UBLCP1: variants seen among roughly 807,000 people sequenced by gnomAD.
The protein encoded by UBLCP1 is ubiquitin-like domain-containing CTD phosphatase 1.
In UBLCP1, 28 loss-of-function variants were observed where a neutral mutation model predicts 42.4. The ratio of observed to expected loss-of-function variants is 0.66; its 90% CI spans 0.49 to 0.90. The LOEUF is 0.90. UBLCP1 is among the 40% of genes least tolerant of loss of function. The pLI, the probability that UBLCP1 is intolerant of heterozygous loss-of-function variation, is 0.00. For missense variants in UBLCP1, 279 were observed against 374.5 expected (o/e 0.75, Z 2.10); for synonymous variants, 122 against 120.8 (o/e 1.01, Z -0.07).
Position 159,270,644 on chromosome 5 carries a change from G to A in UBLCP1, c.448+1G>A, listed in dbSNP as rs752170185. On this transcript the variant is annotated splice_donor_variant, in intron 5 of 10. Coordinates refer to ENST00000296786, the MANE Select transcript of UBLCP1 (RefSeq NM_145049.5). LOFTEE classifies it high-confidence loss of function. Reference sequence around the variant, plus strand: ...CTAGATGTTGATTATACATTATTTGGTAAGTCAGTTAAGAATGCTTTTCAT... The same window carrying A: ...CTAGATGTTGATTATACATTATTTGATAAGTCAGTTAAGAATGCTTTTCAT... The A allele has an allele frequency of 1.3e-6, 2 of 1,560,952 alleles. No homozygotes were observed. The highest frequency in any genetic ancestry group is 1.7e-6 in the Non-Finnish European group (2 of 1,152,438).
At position 159,270,314 on chromosome 5, in the gene UBLCP1, A is replaced by G. The variant is rs573035025; in HGVS notation, c.247-46A>G. The G allele has an allele frequency of 4.0e-5, 57 of 1,420,246 alleles. 2 individuals are homozygous for G. In the South Asian group the frequency reaches 6.6e-4, roughly 17 times the overall value. 88.0% of individuals were successfully genotyped at this position (1,420,246 alleles called of 1,614,324 possible). A position where few individuals can be genotyped will look rare whatever the true frequency, so the allele number is the denominator to read the frequency against. ...TTTTTATGCTATGCATGTATTTGTT[A>G]TATTAAGGATAATATGGTAGAACAA... is the stretch of plus-strand genomic sequence containing the variant. On this transcript the variant is annotated intron_variant, in intron 3 of 10. Transcript: ENST00000296786.
At chr5:159,268,191 GAA>G (rs1421437287) in intron 1 of UBLCP1, among the ~76,000 whole-genome samples, 4 of 151,752 alleles carry the variant, frequency 2.6e-5, no homozygotes, top group African/African-American at 9.7e-5. Context: ...ATGAAACAAA[GAA>G]TGGCTATTTA....
chr5:159,283,584 G>A (rs912566115), intron 10 of UBLCP1, among the ~76,000 whole-genome samples: 2 of 152,030 alleles, frequency 1.3e-5, no homozygotes, highest in African/African-American at 4.8e-5. Flanking sequence ...GAGAACTTGA[G>A]AGACTAGCAT....
chr5:159,263,628 C>T (rs1753331841), intron 1 of UBLCP1, among the ~76,000 whole-genome samples: 1 of 152,210 alleles, frequency 6.6e-6, no homozygotes, highest in African/African-American at 2.4e-5. Context: ...TCTTCTCAGG[C>T]TTGTCCATCC....
In UBLCP1 at chr5:159,285,842, A is replaced by G. The variant is rs1437640313; in HGVS notation, c.*911A>G. 2 of 152,768 alleles carry G rather than the reference A, an allele frequency of 1.3e-5. No individual in the cohort carries two copies. Among genetic ancestry groups the G allele is most frequent in the Non-Finnish European group, 2.9e-5 (2 of 68,030 alleles). The allele number at this position is 152,768 out of a possible 1,614,324, so 9.5% of individuals were successfully genotyped here. A position where few individuals can be genotyped will look rare whatever the true frequency, so the allele number is the denominator to read the frequency against. On this transcript the variant is annotated 3_prime_UTR_variant, in exon 11 of 11. Transcript: ENST00000296786. ...ACTGTTTCAGTGAAAATATCTAGCCATAAGATTAAAAAAATATATTATTTG... is the reference window on the plus strand; with the variant it reads ...ACTGTTTCAGTGAAAATATCTAGCCGTAAGATTAAAAAAATATATTATTTG...
intron 6 of UBLCP1, 23 bp downstream of exon 6, chr5:159,272,144 G>C: frequency 6.3e-7 from 1 of 1,574,888 alleles, no homozygotes; most frequent in South Asian, 1.1e-5. Flanking sequence ...TTTTTGTTTA[G>C]ATTTCCGTGG....
intron 9 of UBLCP1, among the ~76,000 whole-genome samples, chr5:159,281,563 A>G (rs2113322702): frequency 6.6e-6 from 1 of 152,300 alleles, no homozygotes; most frequent in East Asian, 1.9e-4. Context: ...ACAGCTCTTG[A>G]CTGGTGCCCT....
Position 159,270,616 on chromosome 5 carries a change from G to C in UBLCP1, c.421G>C (p.Val141Leu), listed in dbSNP as rs1753452201. 6.2e-7 allele frequency: 1 copy of C among 1,607,426 alleles called. No homozygotes were observed. The highest frequency in any genetic ancestry group is 8.5e-7 in the Non-Finnish European group (1 of 1,177,908). The change falls in exon 5 of 11, where the codon GTG becomes CTG. Residue 141 changes from valine (V) to leucine (L), a missense_variant. Val to Leu is a conservative substitution (Grantham distance 32). Transcript: ENST00000296786. ...TCCCAGGGAAGGGAAAAAGCTTTTGGTGCTAGATGTTGATTATACATTATT... is the reference window on the plus strand; with the variant it reads ...TCCCAGGGAAGGGAAAAAGCTTTTGCTGCTAGATGTTGATTATACATTATT... ...NPPREGKKLLVLDVDYTLFDH... is the reference protein window; with the variant it reads ...NPPREGKKLLLLDVDYTLFDH...
At chr5:159,283,855 A>G (rs368530363) in intron 10 of UBLCP1, among the ~76,000 whole-genome samples, 1 of 152,162 alleles carries the variant, frequency 6.6e-6, no homozygotes, top group Non-Finnish European at 1.5e-5. Flanking sequence ...ATCTTGGTAT[A>G]TAGTCTTTCA....
At chr5:159,270,481 A>C in intron 4 of UBLCP1, 36 bp downstream of exon 4, 1 of 1,605,188 alleles carries the variant, frequency 6.2e-7, no homozygotes, top group Non-Finnish European at 8.5e-7. Context: ...ATCAGTTGTC[A>C]TGTGAGAACA....
At chr5:159,283,066 T>C in intron 9 of UBLCP1, 146 bp from the exon 10 acceptor site, 1 of 729,526 alleles carries the variant, frequency 1.4e-6, no homozygotes. Context: ...CATGACTTTC[T>C]ATTTAGGCTA....
chr5:159,285,539 G>T lies in UBLCP1; in HGVS notation c.*608G>T, dbSNP rs1005641758. 2 of 151,506 alleles carry T rather than the reference G, an allele frequency of 1.3e-5. No homozygotes were observed. Among genetic ancestry groups the T allele is most frequent in the African/African-American group, 5.0e-5 (2 of 40,200 alleles). The allele number at this position is 151,506 out of a possible 1,614,324, so 9.4% of individuals were successfully genotyped here. ...CATTTCTAAATTCTGAGCGGTCTCA[G>T]TTAGGCCTGTATGTGTGTACATGTC... On this transcript the variant is annotated 3_prime_UTR_variant, in exon 11 of 11. Transcript: ENST00000296786.
chr5:159,285,129 A>G lies in UBLCP1; in HGVS notation c.*198A>G. 3.6e-6 allele frequency: 2 copies of G among 554,218 alleles called. No homozygotes were observed. The highest frequency in any genetic ancestry group is 3.1e-5 in the East Asian group (1 of 32,080). 34.3% of individuals were successfully genotyped at this position (554,218 alleles called of 1,614,324 possible). ...ATGCTAAAAAATGCTTGTCCCCTAT[A>G]TGAATATTCTGTTACGCTTGAAAAA... On this transcript the variant is annotated 3_prime_UTR_variant, in exon 11 of 11. Transcript: ENST00000296786.
At chr5:159,267,539 T>TG in intron 1 of UBLCP1, among the ~76,000 whole-genome samples, 1 of 152,150 alleles carries the variant, frequency 6.6e-6, no homozygotes, top group Non-Finnish European at 1.5e-5. Context: ...GGGGGACTGT[T>TG]GGGAAGGCAT....
At chr5:159,279,663 G>A (rs1474192268) in intron 9 of UBLCP1, among the ~76,000 whole-genome samples, 1 of 152,206 alleles carries the variant, frequency 6.6e-6, no homozygotes, top group Non-Finnish European at 1.5e-5. Context: ...ATTGCCATAA[G>A]TATAAAAACT....
At chr5:159,283,102 T>G (rs1562102082) in intron 9 of UBLCP1, 110 bp from the exon 10 acceptor site, 18 of 1,092,980 alleles carry the variant, frequency 1.6e-5, no homozygotes, top group Non-Finnish European at 2.2e-5. Context: ...TTAGTATTTA[T>G]GTTCTTGGTG....
intron 9 of UBLCP1, among the ~76,000 whole-genome samples, chr5:159,278,867 C>T (rs542894707): frequency 4.8e-4 from 73 of 152,250 alleles, no homozygotes; most frequent in African/African-American, 1.7e-3. Flanking sequence ...CCACTGCGCC[C>T]GGCCCAAGTG....
intron 10 of UBLCP1, 52 bp downstream of exon 10, chr5:159,283,391 T>C (rs1753630541): frequency 6.8e-7 from 1 of 1,460,010 alleles, no homozygotes; most frequent in South Asian, 1.3e-5. Context: ...AAGAAAAAAT[T>C]ATCATTTTTC....
In UBLCP1 at chr5:159,270,392, T is replaced by C; in HGVS notation, c.279T>C (p.Asp93=). The stretch of plus-strand genomic sequence containing the variant: ...TCTTAGGTCCACCCCCTGACAATGA[T>C]GATGTTGTTAATGACTTTGATATTG... The part of the protein sequence containing the change: ...EDVLGPPPDN[D]DVVNDFDIED... Residue 93 remains aspartate (D), a synonymous_variant, in exon 4 of 11, where the codon GAT becomes GAC. Coordinates refer to ENST00000296786, the MANE Select transcript of UBLCP1 (RefSeq NM_145049.5). 1 of 1,613,480 alleles carries C rather than the reference T, an allele frequency of 6.2e-7. No homozygotes were observed. Among genetic ancestry groups the C allele is most frequent in the East Asian group, 2.2e-5 (1 of 44,768 alleles).
Sources: allele counts gnomAD v4.1 joint callset (sites outside exome capture counted in the v4.1 genomes callset), GRCh38; gene constraint gnomAD v4.1.1; transcripts MANE v1.5; gene names NCBI Gene and HGNC (gene_info 2026-07-23, HGNC 2026-07-21).